The following SCML2 variants were observed in gnomAD, a reference collection of about 807,000 sequenced individuals.
SCML2 encodes the protein sex comb on midleg-like protein 2.
In SCML2, 6 loss-of-function variants were observed where a neutral mutation model predicts 48.4. The ratio of observed to expected loss-of-function variants is 0.12; its 90% confidence interval spans 0.07 to 0.24. The LOEUF (loss-of-function observed/expected upper bound fraction) is 0.24, where lower values mean the gene tolerates loss of function less well. Ranked by LOEUF, SCML2 falls within the 10% of genes least tolerant of loss-of-function variation. SCML2 has a pLI of 1.00. For missense variants in SCML2, 377 were observed against 528.2 expected (o/e 0.71, Z 2.81); for synonymous variants, 181 against 189.5 (o/e 0.95, Z 0.37).
intron 7 of SCML2, among the ~76,000 whole-genome samples, chrX:18,271,011 C>T (rs1295453552): frequency 9.0e-6 from 1 of 110,991 alleles, no homozygotes; most frequent in African/African-American, 3.3e-5. Flanking sequence ...AGAAAAACAT[C>T]CAAGAAATGA....
chrX:18,299,131 T>C (rs1023300649), intron 7 of SCML2, among the ~76,000 whole-genome samples: 4 of 111,486 alleles, frequency 3.6e-5, no homozygotes, highest in African/African-American at 1.3e-4. Context: ...GAGAAAATAT[T>C]TGTAAACTAT....
At chrX:18,318,697 G>C (rs1410243849) in intron 6 of SCML2, among the ~76,000 whole-genome samples, 1 of 111,969 alleles carries the variant, frequency 8.9e-6, no homozygotes, top group Non-Finnish European at 1.9e-5. Context: ...GTAAAGTGAG[G>C]GGAAGCTTCA....
intron 7 of SCML2, among the ~76,000 whole-genome samples, chrX:18,282,430 G>C (rs1235645214): frequency 9.1e-6 from 1 of 109,926 alleles, no homozygotes; most frequent in Admixed American, 9.7e-5. Context: ...TTGAATCCAG[G>C]AGTTCGAGAC....
At position 18,264,811 on chromosome X, in the gene SCML2, G is replaced by A; in HGVS notation, c.948+774C>T. On this transcript the variant is annotated intron_variant, in intron 8 of 14. Coordinates refer to ENST00000251900, the MANE Select transcript of SCML2 (RefSeq NM_006089.3). The stretch of plus-strand genomic sequence containing the variant: ...CAGATCTTTTGCTTTAGCTACACCG[G>A]CCTGTTGTGTATTAGACAAACATGC... 2.7e-5 allele frequency among the ~76,000 whole-genome samples: 3 copies of A among 111,098 alleles called. No individual in the cohort carries two copies. In the Admixed American group the frequency reaches 2.9e-4, roughly 11 times the overall value.
chrX:18,282,582 A>G (rs1415888542), intron 7 of SCML2, among the ~76,000 whole-genome samples: 1 of 110,915 alleles, frequency 9.0e-6, no homozygotes, highest in African/African-American at 3.3e-5. Flanking sequence ...AGGTGGCAGT[A>G]AGCCAAGATC....
At chrX:18,326,655 G>A (rs1397287463) in intron 3 of SCML2, among the ~76,000 whole-genome samples, 2 of 100,271 alleles carry the variant, frequency 2.0e-5, no homozygotes, top group African/African-American at 3.7e-5. Flanking sequence ...ACTCCAGCCT[G>A]GGCAACAGAA....
At chrX:18,347,622 G>A (rs1451823515) in intron 1 of SCML2, among the ~76,000 whole-genome samples, 1 of 103,100 alleles carries the variant, frequency 9.7e-6, no homozygotes, top group Non-Finnish European at 2.0e-5. Context: ...TACCCGGGTG[G>A]CTGAGGCATG....
At chrX:18,303,181 G>A (rs1046942424) in intron 7 of SCML2, among the ~76,000 whole-genome samples, 4 of 111,218 alleles carry the variant, frequency 3.6e-5, no homozygotes, top group African/African-American at 9.8e-5. Flanking sequence ...ATACTTTCTG[G>A]AGAAAGTACA....
At chrX:18,328,269 C>T (rs1037629332) in intron 3 of SCML2, among the ~76,000 whole-genome samples, 7 of 111,329 alleles carry the variant, frequency 6.3e-5, no homozygotes, top group African/African-American at 2.3e-4. Context: ...GGGCAAAATA[C>T]CTAGAGATAG....
At chrX:18,335,061 T>C (rs1216297538) in intron 1 of SCML2, among the ~76,000 whole-genome samples, 4 of 111,316 alleles carry the variant, frequency 3.6e-5, no homozygotes, top group East Asian at 2.8e-4. Context: ...TTAAAGACTA[T>C]AGCCCAGTGG....
At chrX:18,333,851 G>C (rs1245711246) in intron 2 of SCML2, among the ~76,000 whole-genome samples, 199 bp downstream of exon 2, 5 of 111,756 alleles carry the variant, frequency 4.5e-5, no homozygotes, top group Non-Finnish European at 9.4e-5. Flanking sequence ...CTAAGTTTCA[G>C]TTTTCTCATT....
At chrX:18,326,357 T>C (rs1039032167) in intron 3 of SCML2, among the ~76,000 whole-genome samples, 1 of 111,631 alleles carries the variant, frequency 9.0e-6, no homozygotes, top group Non-Finnish European at 1.9e-5. Context: ...ACTACCAGCA[T>C]TGAAAATCAT....
chrX:18,257,071 A>G (rs1479564829), intron 10 of SCML2, 41 bp from the exon 11 acceptor site: 1 of 951,611 alleles, frequency 1.1e-6, no homozygotes, highest in Non-Finnish European at 1.4e-6. Context: ...CCTCAGAGAG[A>G]TGAGAAATAC....
intron 1 of SCML2, among the ~76,000 whole-genome samples, chrX:18,347,998 C>T (rs1244100562): frequency 9.0e-6 from 1 of 111,682 alleles, no homozygotes; most frequent in Non-Finnish European, 1.9e-5. Context: ...CCCCAAAAAA[C>T]CTGTAAGTTA....
chrX:18,343,771 A>G lies in SCML2; in HGVS notation c.-24-9676T>C, dbSNP rs1255567956. ...GCGAGACTCTGTCTCAAAAAAAAAA[A>G]AAAAAAAAGAAAAAGAAAAGGAAAA... is the stretch of plus-strand genomic sequence containing the variant. On this transcript the variant is annotated intron_variant, in intron 1 of 14. Coordinates refer to ENST00000251900, the MANE Select transcript of SCML2 (RefSeq NM_006089.3). Among the ~76,000 whole-genome samples, 447 of 105,167 alleles carry G rather than the reference A, an allele frequency of 4.3e-3. 1 individual carries two copies. The highest frequency in any genetic ancestry group is 7.1e-3 in the Non-Finnish European group (363 of 51,394). The allele number at this position is 105,167 out of a possible 115,157, so 91.3% of individuals were successfully genotyped here.
In SCML2 at chrX:18,255,536, T is replaced by A. The variant is rs1926811637; in HGVS notation, c.1456+1312A>T. On this transcript the variant is annotated intron_variant, in intron 11 of 14. Transcript: ENST00000251900. ...ATTTCAAAGGGACTCACTGGACAGCTACACCAGAGGGGAGAAACTGGAAAG... is the reference window on the plus strand; with the variant it reads ...ATTTCAAAGGGACTCACTGGACAGCAACACCAGAGGGGAGAAACTGGAAAG... Among the ~76,000 whole-genome samples, 4 of 111,986 alleles carry A rather than the reference T, an allele frequency of 3.6e-5. No individual in the cohort carries two copies. The Admixed American group carries it at 3.8e-4, about 11-fold the overall frequency.
intron 11 of SCML2, among the ~76,000 whole-genome samples, chrX:18,250,419 T>A (rs955473151): frequency 6.4e-5 from 7 of 108,905 alleles, no homozygotes; most frequent in African/African-American, 2.4e-4. Flanking sequence ...GCTCGCTCTG[T>A]CACCCAGGCT....
In SCML2 at chrX:18,239,814, C is replaced by T. The variant is rs1404161296; in HGVS notation, c.*1437G>A. 1 of 111,405 alleles carries T rather than the reference C, an allele frequency of 9.0e-6. No homozygotes were observed. The highest frequency in any genetic ancestry group is 3.3e-5 in the African/African-American group (1 of 30,501). 9.2% of individuals were successfully genotyped at this position (111,405 alleles called of 1,213,427 possible). On this transcript the variant is annotated 3_prime_UTR_variant, in exon 15 of 15. Transcript: ENST00000251900. ...CTGAGGTCAGGAGTTTGAGACCAGC[C>T]TGACCAACATGGAGAAACCCCATCT...
chrX:18,281,115 T>C (rs1927825321), intron 7 of SCML2, among the ~76,000 whole-genome samples: 1 of 110,579 alleles, frequency 9.0e-6, no homozygotes, highest in East Asian at 2.8e-4. Context: ...AAGCCAAGTC[T>C]CAATAAAACT....
Sources: gnomAD v4.1 joint callset for allele counts (sites outside exome capture counted in the v4.1 genomes callset) on GRCh38, gnomAD v4.1.1 for gene constraint, MANE v1.5 for transcripts, NCBI Gene and HGNC (gene_info 2026-07-23, HGNC 2026-07-21) for gene names.